ADCY3: variants seen among roughly 807,000 people sequenced by gnomAD.
The protein encoded by ADCY3 is adenylate cyclase type 3.
In ADCY3, 70 loss-of-function variants were observed where a neutral mutation model predicts 119.4. The ratio of observed to expected loss-of-function variants is 0.59; its 90% confidence interval spans 0.48 to 0.72. The LOEUF (loss-of-function observed/expected upper bound fraction) is 0.72, where lower values mean the gene tolerates loss of function less well. Among genes scored for constraint, ADCY3 ranks in the 30% least tolerant of loss-of-function variants. ADCY3 has a pLI of 0.00. For synonymous variants in ADCY3, 672 were observed against 621.4 expected (o/e 1.08, Z -1.21); for missense variants, 1,238 against 1,541.6 (o/e 0.80, Z 3.30).
At chr2:24,823,784 C>T (rs4665725) in intron 17 of ADCY3, among the ~76,000 whole-genome samples, 61,428 of 151,388 alleles carry the variant, frequency 0.41, 15,046 homozygotes, top group East Asian at 0.6. Context: ...CTCCACCTCC[C>T]GGGTTCAAGT....
chr2:24,838,643 C>A, intron 7 of ADCY3, 21 bp from the exon 8 acceptor site: 1 of 1,612,432 alleles, frequency 6.2e-7, no homozygotes, highest in East Asian at 2.2e-5. Flanking sequence ...GAGAGAGAGG[C>A]CCTGAGCGTC....
rs181304974 is a variant in ADCY3, at chr2:24,852,585, C to G, written c.826-10201G>C. On this transcript the variant is annotated intron_variant, in intron 3 of 21. Coordinates refer to ENST00000679454, the MANE Select transcript of ADCY3 (RefSeq NM_004036.5). The stretch of plus-strand genomic sequence containing the variant: ...CCTCAGAGCAGGCATGAGTGGCCAC[C>G]GTGTACTCAGAAAGTACTCAACTGG... Among the ~76,000 whole-genome samples the G allele has an allele frequency of 7.4e-3, 1,124 of 152,356 alleles. 2 individuals carry two copies. Among genetic ancestry groups the G allele is most frequent in the Middle Eastern group, 0.02 (6 of 294 alleles).
Position 24,920,038 on chromosome 2 carries a change from C to T in ADCY3, c.-553G>A, listed in dbSNP as rs1664916277. Among the ~76,000 whole-genome samples the T allele has an allele frequency of 6.9e-6, 1 of 145,656 alleles. No individual in the cohort carries two copies. Among genetic ancestry groups the T allele is most frequent in the African/African-American group, 2.5e-5 (1 of 40,432 alleles). ...CGGCGGCGAGCGCGGCTCTCCGGAC[C>T]CCTCCCCTGCACCCGCGGCGGCGGC... is the stretch of plus-strand genomic sequence containing the variant. On this transcript the variant is annotated 5_prime_UTR_variant, in exon 1 of 22. Coordinates refer to ENST00000679454, the MANE Select transcript of ADCY3 (RefSeq NM_004036.5). The surrounding 1 kb of genome is among the most constrained non-coding windows in gnomAD (Gnocchi z 4.5).
chr2:24,880,631 G>T (rs1676271336), intron 2 of ADCY3, among the ~76,000 whole-genome samples: 1 of 152,214 alleles, frequency 6.6e-6, no homozygotes, highest in South Asian at 2.1e-4. Flanking sequence ...TGACTAGGTA[G>T]CTGCTTTAGA....
At chr2:24,849,837 C>T (rs575867410) in intron 3 of ADCY3, among the ~76,000 whole-genome samples, 4 of 152,270 alleles carry the variant, frequency 2.6e-5, no homozygotes, top group Admixed American at 1.3e-4. Flanking sequence ...CTCTGGCAAC[C>T]GCCTCTGAAT....
rs1304252242 is a variant in ADCY3 at position 24,918,301 on chromosome 2, G to C, written c.675+12C>G. The stretch of plus-strand genomic sequence containing the variant: ...GAGAGGACGCTGTGGGGGGACAGTG[G>C]GCAGGACTCACCTCCCGCAGCAGCT... On this transcript the variant is annotated intron_variant, in intron 2 of 21. Transcript: ENST00000679454. The surrounding 1 kb of genome is among the most constrained non-coding windows in gnomAD (Gnocchi z 5.4). 1 of 1,545,446 alleles carries C rather than the reference G, an allele frequency of 6.5e-7. No individual in the cohort carries two copies. Among genetic ancestry groups the C allele is most frequent in the East Asian group, 2.3e-5 (1 of 44,270 alleles).
At chr2:24,907,443 T>C (rs1048790714) in intron 2 of ADCY3, among the ~76,000 whole-genome samples, 6 of 152,204 alleles carry the variant, frequency 3.9e-5, no homozygotes, top group African/African-American at 1.4e-4. Context: ...TCATTTACTT[T>C]CCTGTCTACA....
chr2:24,860,092 T>C (rs1673458959), intron 3 of ADCY3, among the ~76,000 whole-genome samples: 2 of 152,200 alleles, frequency 1.3e-5, no homozygotes, highest in African/African-American at 4.8e-5. Flanking sequence ...TCTTCCCACA[T>C]CCTCCGTCAA....
intron 3 of ADCY3, among the ~76,000 whole-genome samples, chr2:24,864,932 T>C (rs1210087062): frequency 1.3e-5 from 2 of 152,250 alleles, no homozygotes; most frequent in East Asian, 3.8e-4. Flanking sequence ...GCAATTCCAC[T>C]TCTAGGTTTT....
intron 2 of ADCY3, among the ~76,000 whole-genome samples, chr2:24,905,049 T>C (rs1055908435): frequency 2.0e-5 from 3 of 152,214 alleles, no homozygotes; most frequent in African/African-American, 7.2e-5. Context: ...AGCAAAGCCA[T>C]GATCACTATA....
chr2:24,871,688 G>T (rs1021017363), intron 3 of ADCY3, among the ~76,000 whole-genome samples: 1 of 152,232 alleles, frequency 6.6e-6, no homozygotes, highest in Non-Finnish European at 1.5e-5. Flanking sequence ...CAGATGACAT[G>T]GTTCCCAGAG....
chr2:24,916,438 C>T (rs1397998199), intron 2 of ADCY3, among the ~76,000 whole-genome samples: 1 of 152,236 alleles, frequency 6.6e-6, no homozygotes, highest in Non-Finnish European at 1.5e-5. Context: ...AATCCCAGCA[C>T]TTTGGGAGGC....
At chr2:24,912,587 A>ATGTG (rs201400762) in intron 2 of ADCY3, among the ~76,000 whole-genome samples, 1 of 38,462 alleles carries the variant, frequency 2.6e-5, no homozygotes, top group Non-Finnish European at 4.7e-5. Context: ...GTGTGTGTGC[A>ATGTG]TGTGTGTGTG....
At chr2:24,852,452 A>C (rs1172836690) in intron 3 of ADCY3, among the ~76,000 whole-genome samples, 1 of 152,034 alleles carries the variant, frequency 6.6e-6, no homozygotes, top group Non-Finnish European at 1.5e-5. Context: ...CTCCCTCCCC[A>C]CCCTGTGGCC....
Position 24,841,686 on chromosome 2 carries a change from G to A in ADCY3, c.957-19C>T, listed in dbSNP as rs776145800. The A allele has an allele frequency of 1.7e-5, 27 of 1,599,690 alleles. No homozygotes were observed. Among genetic ancestry groups the A allele is most frequent in the Middle Eastern group, 3.3e-4 (2 of 6,012 alleles). ...GAGGATGCTGCATGAGGAAGGAACC[G>A]TGGGGGTGACGCTCCAGGCAGCCAG... On this transcript the variant is annotated intron_variant, in intron 4 of 21. Coordinates refer to ENST00000679454, the MANE Select transcript of ADCY3 (RefSeq NM_004036.5). The surrounding 1 kb of genome is among the most constrained non-coding windows in gnomAD (Gnocchi z 5.8).
chr2:24,824,521 G>C lies in ADCY3; in HGVS notation c.2593C>G (p.Arg865Gly). 6.2e-7 allele frequency: 1 copy of C among 1,614,134 alleles called. No individual in the cohort carries two copies. Among genetic ancestry groups the C allele is most frequent in the Non-Finnish European group, 8.5e-7 (1 of 1,179,982 alleles). ...TCAATCTTCCACAAGAAAAGTGTCCGTGCCAGTTTTTCTACCTACAGACAC... is the reference window on the plus strand; with the variant it reads ...TCAATCTTCCACAAGAAAAGTGTCCCTGCCAGTTTTTCTACCTACAGACAC... ...YFSRHVEKLA[R>G]TLFLWKIEVH... The change falls in exon 17 of 22, where the codon CGG becomes GGG. Residue 865 changes from arginine (R) to glycine (G), a missense_variant. Coordinates refer to ENST00000679454, the MANE Select transcript of ADCY3 (RefSeq NM_004036.5).
intron 2 of ADCY3, among the ~76,000 whole-genome samples, chr2:24,874,327 C>T (rs528456158): frequency 2.6e-5 from 4 of 152,294 alleles, no homozygotes; most frequent in Admixed American, 2.6e-4. Context: ...TCTGAGCAGC[C>T]CCAGTCGCCT....
chr2:24,838,876 G>A lies in ADCY3; in HGVS notation c.1356-254C>T, dbSNP rs759299579. 4.4e-6 allele frequency: 7 copies of A among 1,597,284 alleles called. No individual in the cohort carries two copies. The South Asian group carries it at 4.4e-5, about 10-fold the overall frequency. ...ATCTCAGCCTCAGTGTTGGAGCCACGACACAGGAGTACAATCTTTCTTCAA... is the reference window on the plus strand; with the variant it reads ...ATCTCAGCCTCAGTGTTGGAGCCACAACACAGGAGTACAATCTTTCTTCAA... On this transcript the variant is annotated intron_variant, in intron 7 of 21. Coordinates refer to ENST00000679454, the MANE Select transcript of ADCY3 (RefSeq NM_004036.5).
chr2:24,847,518 C>T (rs779337605), intron 3 of ADCY3, among the ~76,000 whole-genome samples: 2 of 152,170 alleles, frequency 1.3e-5, no homozygotes, highest in Admixed American at 1.3e-4. Context: ...CTGGCTCCAC[C>T]GAAGCCTGGG....
Sources: allele counts gnomAD v4.1 joint callset (sites outside exome capture counted in the v4.1 genomes callset), GRCh38; gene constraint gnomAD v4.1.1; non-coding constraint Gnocchi (gnomAD v3.1); transcripts MANE v1.5; gene names NCBI Gene and HGNC (gene_info 2026-07-23, HGNC 2026-07-21).